The following KCTD8 variants were observed in gnomAD, a reference collection of about 807,000 sequenced individuals.
KCTD8 encodes BTB/POZ domain-containing protein KCTD8.
Under a neutral mutation model 31.5 loss-of-function variants are expected in KCTD8, and 27 were observed. The ratio of observed to expected loss-of-function variants is 0.86; its 90% CI spans 0.63 to 1.18. The LOEUF is 1.18. Among genes scored for constraint, KCTD8 ranks in the 50% most tolerant of loss-of-function variants. KCTD8 has a pLI of 0.00. For synonymous variants in KCTD8, 290 were observed against 280.0 expected (o/e 1.04, Z -0.36); for missense variants, 658 against 647.7 (o/e 1.02, Z -0.17).
intron 1 of KCTD8, among the ~76,000 whole-genome samples, chr4:44,291,315 G>T (rs1717265447): frequency 6.6e-6 from 1 of 151,826 alleles, no homozygotes; most frequent in Admixed American, 6.6e-5. Context: ...CAGAAAAGAG[G>T]ACCCAGAAAT....
At position 44,377,447 on chromosome 4, in the gene KCTD8, G is replaced by C. The variant is rs73247518; in HGVS notation, c.961+70116C>G. Among the ~76,000 whole-genome samples the C allele has an allele frequency of 8.9e-3, 1,356 of 152,282 alleles. 14 individuals carry two copies. Among genetic ancestry groups the C allele is most frequent in the Non-Finnish European group, 0.014 (958 of 68,020 alleles). ...GAGGCCAGCATAGGCTCAGGAAGCA[G>C]GCTCAAGGCCATTTCTGGGGGGTAG... On this transcript the variant is annotated intron_variant, in intron 1 of 1. Transcript: ENST00000360029.
intron 1 of KCTD8, among the ~76,000 whole-genome samples, chr4:44,291,078 A>T (rs1717259231): frequency 1.3e-5 from 2 of 152,142 alleles, no homozygotes; most frequent in South Asian, 4.1e-4. Context: ...AGATTAACAA[A>T]GAAAGAAAGA....
At chr4:44,345,131 T>C (rs185051189) in intron 1 of KCTD8, among the ~76,000 whole-genome samples, 1 of 152,304 alleles carries the variant, frequency 6.6e-6, no homozygotes, top group Non-Finnish European at 1.5e-5. Flanking sequence ...AGGACTTATT[T>C]TGTTCATTTA....
At chr4:44,288,866 G>GT (rs1717178790) in intron 1 of KCTD8, among the ~76,000 whole-genome samples, 1 of 151,882 alleles carries the variant, frequency 6.6e-6, no homozygotes, top group South Asian at 2.1e-4. Context: ...GAAAAGGCAG[G>GT]TAACAATCCT....
At chr4:44,184,064 A>G (rs897450514) in intron 1 of KCTD8, among the ~76,000 whole-genome samples, 1 of 151,854 alleles carries the variant, frequency 6.6e-6, no homozygotes, top group Non-Finnish European at 1.5e-5. Context: ...GGGTGGGGAC[A>G]CACACACATG....
At chr4:44,444,590 T>A (rs1317899577) in intron 1 of KCTD8, among the ~76,000 whole-genome samples, 1 of 152,186 alleles carries the variant, frequency 6.6e-6, no homozygotes, top group Non-Finnish European at 1.5e-5. Flanking sequence ...CAGGCACTAA[T>A]CTAAGCACTA....
At chr4:44,446,527 C>G (rs1721942674) in intron 1 of KCTD8, among the ~76,000 whole-genome samples, 1 of 152,076 alleles carries the variant, frequency 6.6e-6, no homozygotes, top group Non-Finnish European at 1.5e-5. Context: ...CACCACAGCC[C>G]CACCCCACTC....
chr4:44,206,737 T>C (rs1714323508), intron 1 of KCTD8, among the ~76,000 whole-genome samples: 1 of 152,186 alleles, frequency 6.6e-6, no homozygotes, highest in African/African-American at 2.4e-5. Flanking sequence ...GCTCAGGCTT[T>C]GAAGACCTGA....
At chr4:44,186,141 C>A (rs947220025) in intron 1 of KCTD8, among the ~76,000 whole-genome samples, 2 of 152,134 alleles carry the variant, frequency 1.3e-5, no homozygotes, top group Non-Finnish European at 2.9e-5. Flanking sequence ...GGCTGGACAT[C>A]GAGAAGAACA....
At chr4:44,339,774 TA>T (rs1175912667) in intron 1 of KCTD8, among the ~76,000 whole-genome samples, 1 of 152,122 alleles carries the variant, frequency 6.6e-6, no homozygotes, top group Non-Finnish European at 1.5e-5. Flanking sequence ...GAATTTAAAT[TA>T]TACATAATAT....
intron 1 of KCTD8, among the ~76,000 whole-genome samples, chr4:44,335,127 C>T (rs1217593377): frequency 6.6e-6 from 1 of 151,932 alleles, no homozygotes; most frequent in Non-Finnish European, 1.5e-5. Context: ...TTACATATAA[C>T]AGATGTAAAG....
chr4:44,314,883 A>G (rs1347512854), intron 1 of KCTD8, among the ~76,000 whole-genome samples: 1 of 149,138 alleles, frequency 6.7e-6, no homozygotes, highest in Non-Finnish European at 1.5e-5. Flanking sequence ...ATTGTGAAAA[A>G]AAAAACAGGA....
At position 44,277,369 on chromosome 4, in the gene KCTD8, G is replaced by A. The variant is rs181555872; in HGVS notation, c.962-102119C>T. On this transcript the variant is annotated intron_variant, in intron 1 of 1. Coordinates refer to ENST00000360029, the MANE Select transcript of KCTD8 (RefSeq NM_198353.3). ...TTAATTTTGTTTAATCTTATTTTTC[G>A]CTTATCTAGGCCATAAGATCCGCTT... Among the ~76,000 whole-genome samples the A allele has an allele frequency of 3.1e-4, 47 of 151,628 alleles. 1 individual carries two copies. In the East Asian group the frequency reaches 4.5e-3, roughly 14 times the overall value.
intron 1 of KCTD8, among the ~76,000 whole-genome samples, chr4:44,359,735 A>G (rs2109429611): frequency 1.3e-5 from 2 of 152,218 alleles, no homozygotes; most frequent in Middle Eastern, 3.4e-3. Context: ...CTTAGATAAA[A>G]CTTCTAGTAC....
chr4:44,307,493 A>G lies in KCTD8; in HGVS notation c.962-132243T>C, dbSNP rs555901940. ...TTTCTAGAAAATAGTCCAGCACTAG[A>G]TCCACATGTTTTCAGTAACTTTTAT... On this transcript the variant is annotated intron_variant, in intron 1 of 1. Coordinates refer to ENST00000360029, the MANE Select transcript of KCTD8 (RefSeq NM_198353.3). Among the ~76,000 whole-genome samples the G allele has an allele frequency of 3.0e-4, 46 of 152,126 alleles. 1 individual carries two copies. Among genetic ancestry groups the G allele is most frequent in the African/African-American group, 9.6e-4 (40 of 41,526 alleles).
In KCTD8 at chr4:44,175,037, G is replaced by A; in HGVS notation, c.1175C>T (p.Pro392Leu). 4 of 1,613,908 alleles carry A rather than the reference G, an allele frequency of 2.5e-6. No individual in the cohort carries two copies. The highest frequency in any genetic ancestry group is 2.5e-6 in the Non-Finnish European group (3 of 1,179,960). The stretch of plus-strand genomic sequence containing the variant: ...CCATTGTACAGGTGCTTTTTTAGAG[G>A]GGCGATCCAATGTTAAAGTGTTAGG... ...HQPNTLTLDRPSKKAPVQWIP... is the reference protein window; with the variant it reads ...HQPNTLTLDRLSKKAPVQWIP... Residue 392 changes from proline (P) to leucine (L), a missense_variant, in exon 2 of 2, where the codon CCC (proline) becomes CTC (leucine). Pro to Leu is a moderately conservative substitution (Grantham distance 98). Coordinates refer to ENST00000360029, the MANE Select transcript of KCTD8 (RefSeq NM_198353.3).
chr4:44,215,762 G>A (rs1475390955), intron 1 of KCTD8, among the ~76,000 whole-genome samples: 1 of 152,022 alleles, frequency 6.6e-6, no homozygotes, highest in East Asian at 1.9e-4. Context: ...ATGCCTTCTG[G>A]AAACTAGGGG....
At position 44,235,087 on chromosome 4, in the gene KCTD8, C is replaced by T. The variant is rs577231784; in HGVS notation, c.962-59837G>A. 7.8e-3 allele frequency among the ~76,000 whole-genome samples: 1,177 copies of T among 151,710 alleles called. 15 individuals carry two copies. Among genetic ancestry groups the T allele is most frequent in the African/African-American group, 0.027 (1,122 of 41,370 alleles). ...AAACATAAGTAATCAACATTAACCA[C>T]GTTGACCAATGATGATGATGATGAT... On this transcript the variant is annotated intron_variant, in intron 1 of 1. Transcript: ENST00000360029.
chr4:44,417,981 A>G (rs1342784407), intron 1 of KCTD8, among the ~76,000 whole-genome samples: 1 of 152,172 alleles, frequency 6.6e-6, no homozygotes, highest in Non-Finnish European at 1.5e-5. Flanking sequence ...GGTTAGAAAG[A>G]TGAGTAAGAA....
Sources: allele counts gnomAD v4.1 joint callset (sites outside exome capture counted in the v4.1 genomes callset), GRCh38; gene constraint gnomAD v4.1.1; transcripts MANE v1.5; gene names NCBI Gene and HGNC (gene_info 2026-07-23, HGNC 2026-07-21).